Variants in LRRC4B observed in about 807,000 individuals in gnomAD.
The protein encoded by LRRC4B is leucine-rich repeat-containing protein 4B.
Under a neutral mutation model 7.3 loss-of-function variants are expected in LRRC4B, and 1 was observed. The ratio of observed to expected loss-of-function variants is 0.14; its 90% CI spans 0.05 to 0.65. The LOEUF (loss-of-function observed/expected upper bound fraction) is 0.65. LRRC4B is among the 30% of genes least tolerant of loss of function. The pLI, the probability that LRRC4B is intolerant of heterozygous loss-of-function variation, is 0.84. For synonymous variants in LRRC4B, 500 were observed against 499.2 expected, an observed-to-expected ratio of 1.00 and a Z score of -0.02; for missense variants, 730 against 1,041.6, an observed-to-expected ratio of 0.70 and a Z score of 4.12.
At chr19:50,538,703 G>A (rs1393985149) in intron 2 of LRRC4B, among the ~76,000 whole-genome samples, 2 of 151,492 alleles carry the variant, frequency 1.3e-5, no homozygotes, top group Non-Finnish European at 2.9e-5. Context: ...CAGGGATCTG[G>A]GACTACAGGT....
intron 2 of LRRC4B, among the ~76,000 whole-genome samples, chr19:50,547,433 G>A (rs558140861): frequency 2.6e-5 from 4 of 152,090 alleles, no homozygotes; most frequent in African/African-American, 7.2e-5. Flanking sequence ...AAAAGCAGCC[G>A]CATTTCTTAC....
chr19:50,565,929 TTCTCTCCCTCTG>T, intron 1 of LRRC4B, among the ~76,000 whole-genome samples: 1 of 152,186 alleles, frequency 6.6e-6, no homozygotes, highest in Admixed American at 6.5e-5. Context: ...GCTGGGTCCC[TTCTCTCCCTCTG>T]TGCCTCCCTC....
At chr19:50,530,783 C>T (rs1475409863) in intron 2 of LRRC4B, among the ~76,000 whole-genome samples, 4 of 151,770 alleles carry the variant, frequency 2.6e-5, no homozygotes, top group African/African-American at 7.3e-5. Context: ...TTCACCCAGG[C>T]TGGAGGGCAG....
At chr19:50,536,243 C>G (rs1022625137) in intron 2 of LRRC4B, among the ~76,000 whole-genome samples, 1 of 152,112 alleles carries the variant, frequency 6.6e-6, no homozygotes, top group African/African-American at 2.4e-5. Context: ...AAGCGATTCT[C>G]CTGCCTCACC....
intron 2 of LRRC4B, among the ~76,000 whole-genome samples, chr19:50,534,969 A>C (rs1599768484): frequency 6.6e-6 from 1 of 151,800 alleles, no homozygotes; most frequent in Non-Finnish European, 1.5e-5. Flanking sequence ...CCCGGGTTCA[A>C]GTGATTCTCC....
intron 2 of LRRC4B, among the ~76,000 whole-genome samples, chr19:50,531,975 C>A (rs1981077840): frequency 6.6e-6 from 1 of 152,154 alleles, no homozygotes; most frequent in African/African-American, 2.4e-5. Flanking sequence ...GTAATCCCAG[C>A]ACTTTGGGAG....
chr19:50,536,472 A>G (rs1194052378), intron 2 of LRRC4B, among the ~76,000 whole-genome samples: 2 of 152,134 alleles, frequency 1.3e-5, no homozygotes, highest in Non-Finnish European at 2.9e-5. Context: ...TTCTGCACGC[A>G]GTGTCGAGAG....
chr19:50,562,730 GT>G (rs778453544), intron 1 of LRRC4B, among the ~76,000 whole-genome samples: 42 of 136,154 alleles, frequency 3.1e-4, no homozygotes, highest in Non-Finnish European at 3.6e-4. Flanking sequence ...TCCATCCAGG[GT>G]TTTTTTTTTT....
At chr19:50,562,747 T>G (rs1003411939) in intron 1 of LRRC4B, among the ~76,000 whole-genome samples, 131 of 150,908 alleles carry the variant, frequency 8.7e-4, no homozygotes, top group Non-Finnish European at 1.6e-3. Flanking sequence ...TTTTTGTTTT[T>G]TTTTTTTTGG....
chr19:50,557,140 G>A (rs1469439379), intron 1 of LRRC4B, among the ~76,000 whole-genome samples: 1 of 152,152 alleles, frequency 6.6e-6, no homozygotes, highest in Non-Finnish European at 1.5e-5. Context: ...AAGGGAAAGA[G>A]TGAACAGATA....
rs921017957 is a variant in LRRC4B at position 50,568,201 on chromosome 19, C to T, written c.-293G>A. 6.6e-6 allele frequency among the ~76,000 whole-genome samples: 1 copy of T among 151,604 alleles called. No individual in the cohort carries two copies. The highest frequency in any genetic ancestry group is 1.5e-5 in the Non-Finnish European group (1 of 67,828). On this transcript the variant is annotated 5_prime_UTR_variant, in exon 1 of 3. Coordinates refer to ENST00000652263, the MANE Select transcript of LRRC4B (RefSeq NM_001080457.2). The stretch of plus-strand genomic sequence containing the variant: ...CTCGCGCCCGCCTGCCGTCCGGCCC[C>T]GCGCCCTCGCCCGCCGCCCGCCTTC...
intron 1 of LRRC4B, among the ~76,000 whole-genome samples, chr19:50,558,674 T>C (rs1035824529): frequency 8.5e-5 from 13 of 152,246 alleles, no homozygotes; most frequent in African/African-American, 3.1e-4. Flanking sequence ...AGGGACTGAA[T>C]TCTTCATTCG....
chr19:50,540,884 A>G (rs956451544), intron 2 of LRRC4B, among the ~76,000 whole-genome samples: 1 of 151,816 alleles, frequency 6.6e-6, no homozygotes, highest in African/African-American at 2.4e-5. Context: ...AATAATAATA[A>G]TAGAAATAAA....
chr19:50,524,177 C>G (rs923146217), intron 2 of LRRC4B, among the ~76,000 whole-genome samples: 2 of 151,862 alleles, frequency 1.3e-5, no homozygotes, highest in African/African-American at 4.8e-5. Context: ...TAGGCAGAAT[C>G]ATAAAATAAT....
In LRRC4B at chr19:50,537,365, G is replaced by A. The variant is rs891454753; in HGVS notation, c.297+11177C>T. Among the ~76,000 whole-genome samples, 1 of 152,166 alleles carries A rather than the reference G, an allele frequency of 6.6e-6. No individual in the cohort carries two copies. The highest frequency in any genetic ancestry group is 2.4e-5 in the African/African-American group (1 of 41,448). The stretch of plus-strand genomic sequence containing the variant: ...ATTCACTGACCCTGTAAAGGGCTTG[G>A]AGCAATGCTGGGGGCCCGACTGACA... On this transcript the variant is annotated intron_variant, in intron 2 of 2. Transcript: ENST00000652263. The surrounding 1 kb of genome is among the most constrained non-coding windows in gnomAD (Gnocchi z 5.5).
Position 50,519,338 on chromosome 19 carries a change from G to A in LRRC4B, c.375C>T (p.Ile125=), listed in dbSNP as rs1032387518. 25 of 1,612,484 alleles carry A rather than the reference G, an allele frequency of 1.6e-5. No homozygotes were observed. Among genetic ancestry groups the A allele is most frequent in the Middle Eastern group, 1.6e-4 (1 of 6,062 alleles). The change falls in exon 3 of 3, where the codon ATC becomes ATT. Residue 125 remains isoleucine (I), a synonymous_variant. Transcript: ENST00000652263. The surrounding 1 kb of genome is among the most constrained non-coding windows in gnomAD (Gnocchi z 8.1). ...GCAGCCCGTTGAAGGCGCCCACCTC[G>A]ATCTTGCGCACCAGGTTCTTGCTCA... ...LQLSKNLVRK[I]EVGAFNGLPS...
At chr19:50,525,830 G>C (rs1980787401) in intron 2 of LRRC4B, among the ~76,000 whole-genome samples, 1 of 152,056 alleles carries the variant, frequency 6.6e-6, no homozygotes, top group Non-Finnish European at 1.5e-5. Context: ...AATGGCCCCA[G>C]CTGCACCTCA....
At position 50,520,248 on chromosome 19, in the gene LRRC4B, GAAGAA is replaced by G. The variant is rs1568716056; in HGVS notation, c.298-838_298-834del. Among the ~76,000 whole-genome samples the G allele has an allele frequency of 4.8e-4, 7 of 14,452 alleles. 2 individuals are homozygous for G. The highest frequency in any genetic ancestry group is 1.9e-3 in the East Asian group (1 of 516). 9.5% of individuals were successfully genotyped at this position (14,452 alleles called of 152,430 possible). A position where few individuals can be genotyped will look rare whatever the true frequency, so the allele number is the denominator to read the frequency against. On this transcript the variant is annotated intron_variant, in intron 2 of 2. Coordinates refer to ENST00000652263, the MANE Select transcript of LRRC4B (RefSeq NM_001080457.2). Reference sequence around the variant, plus strand: ...AAAAAAAAAAAAAAAAAAAAAAAAAGAAGAAAAGAAAAGAAAAATGAACAAACAAG... The same window carrying G: ...AAAAAAAAAAAAAAAAAAAAAAAAAGAAGAAAAGAAAAATGAACAAACAAG...
At chr19:50,539,875 A>G (rs1267843863) in intron 2 of LRRC4B, among the ~76,000 whole-genome samples, 1 of 146,156 alleles carries the variant, frequency 6.8e-6, no homozygotes, top group Non-Finnish European at 1.5e-5. Flanking sequence ...GGACAGTGCG[A>G]GACTCCATCT....
Sources: allele counts gnomAD v4.1 joint callset (sites outside exome capture counted in the v4.1 genomes callset), GRCh38; gene constraint gnomAD v4.1.1; non-coding constraint Gnocchi (gnomAD v3.1); transcripts MANE v1.5; gene names NCBI Gene and HGNC (gene_info 2026-07-23, HGNC 2026-07-21).